The following MIB1 variants were observed in gnomAD, a reference collection of about 807,000 sequenced individuals.
MIB1 encodes E3 ubiquitin-protein ligase MIB1.
A neutral mutation model predicts 124.5 loss-of-function variants in MIB1; 278 were observed. The observed-to-expected ratio is 2.23, with a 90% CI of 2.02 to 2.47. The LOEUF (loss-of-function observed/expected upper bound fraction) is 2.47, where lower values mean the gene tolerates loss of function less well. Among genes scored for constraint, MIB1 ranks in the 30% most tolerant of loss-of-function variants. MIB1 has a pLI of 0.00. For missense variants in MIB1, 957 were observed against 1,254.4 expected (o/e 0.76, Z 3.58); for synonymous variants, 446 against 429.4 (o/e 1.04, Z -0.48).
At chr18:21,802,418 C>T (rs2041660198) in intron 9 of MIB1, among the ~76,000 whole-genome samples, 1 of 151,028 alleles carries the variant, frequency 6.6e-6, no homozygotes, top group South Asian at 2.1e-4. Flanking sequence ...CTGAGAGGTT[C>T]CTTAACTTAA....
At chr18:21,728,935 C>T (rs987660256) in intron 1 of MIB1, among the ~76,000 whole-genome samples, 1 of 152,114 alleles carries the variant, frequency 6.6e-6, no homozygotes, top group African/African-American at 2.4e-5. Flanking sequence ...TTTCATGTGA[C>T]AAAAAGTCTA....
intron 15 of MIB1, among the ~76,000 whole-genome samples, 183 bp downstream of exon 15, chr18:21,844,436 G>A (rs2042118290): frequency 6.6e-6 from 1 of 152,122 alleles, no homozygotes; most frequent in South Asian, 2.1e-4. Flanking sequence ...TTTACCAAAA[G>A]TTGTTCAGTT....
chr18:21,858,944 C>G (rs892172083), intron 20 of MIB1, among the ~76,000 whole-genome samples: 3 of 152,128 alleles, frequency 2.0e-5, no homozygotes, highest in African/African-American at 7.2e-5. Flanking sequence ...ATGTTAAAGA[C>G]TGTCAGTATC....
rs1197856695 is a variant in MIB1, at chr18:21,866,080, A to G, written c.*1414A>G. 1 of 152,166 alleles carries G rather than the reference A, an allele frequency of 6.6e-6. No individual in the cohort carries two copies. The highest frequency in any genetic ancestry group is 2.4e-5 in the African/African-American group (1 of 41,434). The allele number at this position is 152,166 out of a possible 1,614,324, so 9.4% of individuals were successfully genotyped here. ...ATATGCTGTTGATAAGCTTTTTCCT[A>G]AAAATAGTTATCCTCTTTTGTAGTT... On this transcript the variant is annotated 3_prime_UTR_variant, in exon 21 of 21. Coordinates refer to ENST00000261537, the MANE Select transcript of MIB1 (RefSeq NM_020774.4).
At chr18:21,767,925 C>G (rs939557365) in intron 2 of MIB1, among the ~76,000 whole-genome samples, 1 of 152,142 alleles carries the variant, frequency 6.6e-6, no homozygotes, top group Non-Finnish European at 1.5e-5. Flanking sequence ...CCTGCTCCCC[C>G]CACTGCCCCC....
intron 12 of MIB1, among the ~76,000 whole-genome samples, chr18:21,832,376 C>T (rs1317840798): frequency 1.3e-5 from 2 of 152,128 alleles, no homozygotes; most frequent in Admixed American, 1.3e-4. Context: ...ATTAACCTGT[C>T]TATAACTCTA....
intron 12 of MIB1, among the ~76,000 whole-genome samples, chr18:21,831,669 G>A (rs895984363): frequency 6.6e-6 from 1 of 151,622 alleles, no homozygotes; most frequent in African/African-American, 2.4e-5. Context: ...TTTGAGGGGG[G>A]GTAAGCACTG....
At chr18:21,850,587 G>T (rs1346183284) in intron 17 of MIB1, among the ~76,000 whole-genome samples, 1 of 152,086 alleles carries the variant, frequency 6.6e-6, no homozygotes, top group African/African-American at 2.4e-5. Flanking sequence ...TTTGGCACAG[G>T]AAAAAGCACA....
chr18:21,850,897 A>T (rs1277743629), intron 17 of MIB1, among the ~76,000 whole-genome samples: 3 of 152,168 alleles, frequency 2.0e-5, no homozygotes. Flanking sequence ...GTATTCTGCC[A>T]TTGTGTTTGA....
rs1212885674 is a variant in MIB1 at position 21,868,294 on chromosome 18, T to G, written c.*3628T>G. The G allele has an allele frequency of 1.3e-5, 2 of 152,504 alleles. No individual in the cohort carries two copies. Among genetic ancestry groups the G allele is most frequent in the Non-Finnish European group, 2.9e-5 (2 of 67,900 alleles). The allele number at this position is 152,504 out of a possible 1,614,324, so 9.4% of individuals were successfully genotyped here. A position where few individuals can be genotyped will look rare whatever the true frequency, so the allele number is the denominator to read the frequency against. ...ACTCCCCTTTTTGTTTTCTCCTCAG[T>G]GGAATAGAATTTTGACTCCATATAA... On this transcript the variant is annotated 3_prime_UTR_variant, in exon 21 of 21. Transcript: ENST00000261537.
At chr18:21,822,936 A>AAAAATT (rs1052811666) in intron 12 of MIB1, among the ~76,000 whole-genome samples, 5 of 151,910 alleles carry the variant, frequency 3.3e-5, no homozygotes, top group African/African-American at 1.2e-4. Context: ...CCTGTCTCTA[A>AAAAATT]AAAATTAAAA....
intron 7 of MIB1, among the ~76,000 whole-genome samples, chr18:21,793,068 A>T (rs1271503340): frequency 3.3e-5 from 5 of 152,228 alleles, no homozygotes; most frequent in Non-Finnish European, 7.3e-5. Context: ...ATCTCTTCGT[A>T]TGGGAGCAGA....
intron 11 of MIB1, among the ~76,000 whole-genome samples, chr18:21,816,063 C>G (rs1232634215): frequency 6.6e-6 from 1 of 152,016 alleles, no homozygotes; most frequent in African/African-American, 2.4e-5. Flanking sequence ...AAAATATCAG[C>G]TTATGAATGG....
chr18:21,739,543 T>TTC (rs1316436024), upstream of MIB1, among the ~76,000 whole-genome samples: 1 of 151,990 alleles, frequency 6.6e-6, no homozygotes, highest in Non-Finnish European at 1.5e-5. Flanking sequence ...TGCGAAAATC[T>TTC]TCAATAAAAT....
chr18:21,814,821 G>A (rs910358811), intron 10 of MIB1, among the ~76,000 whole-genome samples: 1 of 150,826 alleles, frequency 6.6e-6, no homozygotes, highest in Non-Finnish European at 1.5e-5. Flanking sequence ...TGATCCGCCC[G>A]CCTTGGCCTC....
intron 12 of MIB1, among the ~76,000 whole-genome samples, chr18:21,830,978 T>A (rs947490375): frequency 6.6e-6 from 1 of 151,490 alleles, no homozygotes; most frequent in African/African-American, 2.4e-5. Flanking sequence ...TGCACAGTTA[T>A]ATAGGGAAAG....
At chr18:21,723,026 A>G (rs1041269505) in intron 1 of MIB1, among the ~76,000 whole-genome samples, 2 of 152,022 alleles carry the variant, frequency 1.3e-5, no homozygotes, top group African/African-American at 4.8e-5. Context: ...ATCTATATAT[A>G]TATTATTTGG....
At position 21,798,165 on chromosome 18, in the gene MIB1, T is replaced by TA. The variant is rs2041606991; in HGVS notation, c.1175dup (p.Tyr392Ter). 1 of 1,613,382 alleles carries TA rather than the reference T, an allele frequency of 6.2e-7. No homozygotes were observed. Among genetic ancestry groups the TA allele is most frequent in the Non-Finnish European group, 8.5e-7 (1 of 1,179,460 alleles). Residue 392 changes from tyrosine (Y) to a stop codon, truncating the protein, a stop_gained and frameshift_variant, in exon 8 of 21, where the codon TAC (tyrosine) becomes TAAC (stop). Transcript: ENST00000261537. LOFTEE classifies it high-confidence loss of function. ...KVEVCGTSWT[Y>*]NPAAVSKVAS... ...GGAAGTTTGTGGAACATCTTGGACA[T>TA]ACAATCCAGCAGCAGTTTCCAAGGT...
intron 2 of MIB1, among the ~76,000 whole-genome samples, chr18:21,766,597 G>A (rs2041162109): frequency 6.6e-6 from 1 of 151,978 alleles, no homozygotes; most frequent in Non-Finnish European, 1.5e-5. Flanking sequence ...GAGGCAGCTA[G>A]GAGTAGGAGT....
Sources: gnomAD v4.1 joint callset for allele counts (sites outside exome capture counted in the v4.1 genomes callset) on GRCh38, gnomAD v4.1.1 for gene constraint, MANE v1.5 for transcripts, NCBI Gene and HGNC (gene_info 2026-07-23, HGNC 2026-07-21) for gene names.